The following GHR variants were observed in gnomAD, a reference collection of about 807,000 sequenced individuals.
The protein encoded by GHR is GH receptor.
Under a neutral mutation model 67.1 loss-of-function variants are expected in GHR, and 35 were observed. The ratio of observed to expected loss-of-function variants is 0.52; its 90% CI spans 0.40 to 0.69. The LOEUF (loss-of-function observed/expected upper bound fraction) is 0.69. Ranked by LOEUF, GHR falls within the 30% of genes least tolerant of loss-of-function variation. GHR has a pLI of 0.00. For missense variants in GHR, 792 were observed against 764.6 expected (o/e 1.04, Z -0.42); for synonymous variants, 272 against 269.1 (o/e 1.01, Z -0.10).
intron 1 of GHR, among the ~76,000 whole-genome samples, chr5:42,527,547 C>A (rs1328346437): frequency 6.6e-6 from 1 of 152,176 alleles, no homozygotes; most frequent in Non-Finnish European, 1.5e-5. Context: ...CACAAGAGCA[C>A]TGTATTCATA....
chr5:42,632,349 T>TA (rs1472633038), intron 3 of GHR, among the ~76,000 whole-genome samples: 1 of 152,142 alleles, frequency 6.6e-6, no homozygotes, highest in African/African-American at 2.4e-5. Flanking sequence ...AAGCAATCCC[T>TA]CCCTTCTCCA....
intron 1 of GHR, among the ~76,000 whole-genome samples, chr5:42,491,011 G>T (rs748299237): frequency 6.6e-6 from 1 of 152,162 alleles, no homozygotes; most frequent in Admixed American, 6.5e-5. Context: ...TCTAACATCC[G>T]CTGAGGATTA....
Position 42,719,174 on chromosome 5 carries a change from T to C in GHR, c.1667T>C (p.Ile556Thr). The change falls in exon 10 of 10, where the codon ATA (isoleucine) becomes ACA (threonine). Residue 556 changes from isoleucine (I) to threonine (T), a missense_variant. Physicochemically the swap from Ile to Thr is moderately conservative, Grantham distance 89. Transcript: ENST00000230882. ...CCTCACATCAAGGTTGAATCACACA[T>C]ACAGCCAAGCTTAAACCAAGAGGAC... ...VAPHIKVESHIQPSLNQEDIY... is the reference protein window; with the variant it reads ...VAPHIKVESHTQPSLNQEDIY... 16 of 1,614,104 alleles carry C rather than the reference T, an allele frequency of 9.9e-6. No individual in the cohort carries two copies. Among genetic ancestry groups the C allele is most frequent in the Non-Finnish European group, 1.3e-5 (15 of 1,180,004 alleles).
intron 1 of GHR, among the ~76,000 whole-genome samples, chr5:42,458,405 G>A (rs550769015): frequency 6.6e-6 from 1 of 152,098 alleles, no homozygotes; most frequent in Non-Finnish European, 1.5e-5. Context: ...AATAAATGGG[G>A]CTGGGAAGCT....
At chr5:42,474,329 G>GAAAGAAAAGAAAT (rs1745189251) in intron 1 of GHR, among the ~76,000 whole-genome samples, 2 of 146,414 alleles carry the variant, frequency 1.4e-5, no homozygotes, top group African/African-American at 5.3e-5. Flanking sequence ...AAGAAAGAAA[G>GAAAGAAAAGAAAT]AAAGAAAGAA....
intron 1 of GHR, among the ~76,000 whole-genome samples, chr5:42,510,083 C>G (rs765426565): frequency 9.2e-5 from 14 of 152,146 alleles, no homozygotes; most frequent in Non-Finnish European, 1.3e-4. Flanking sequence ...GTCAGTTATC[C>G]CCATTGCAGT....
At chr5:42,485,401 T>A (rs534384491) in intron 1 of GHR, among the ~76,000 whole-genome samples, 1 of 152,364 alleles carries the variant, frequency 6.6e-6, no homozygotes, top group Admixed American at 6.5e-5. Flanking sequence ...ATAGCCTTCA[T>A]CATAATATGT....
At chr5:42,434,674 T>C (rs1315592572) in intron 1 of GHR, among the ~76,000 whole-genome samples, 1 of 152,238 alleles carries the variant, frequency 6.6e-6, no homozygotes, top group East Asian at 1.9e-4. Flanking sequence ...GTTGTTTATC[T>C]CTGCCATTTT....
At chr5:42,695,930 G>A (rs1205268767) in intron 5 of GHR, among the ~76,000 whole-genome samples, 1 of 152,186 alleles carries the variant, frequency 6.6e-6, no homozygotes, top group Non-Finnish European at 1.5e-5. Context: ...ATAGGAGTAT[G>A]TGGCTAGAAC....
intron 5 of GHR, among the ~76,000 whole-genome samples, chr5:42,696,603 T>A (rs902542090): frequency 6.6e-6 from 1 of 152,150 alleles, no homozygotes; most frequent in African/African-American, 2.4e-5. Context: ...AGTCCCAACA[T>A]GTTCAGGGAC....
chr5:42,474,407 T>C (rs1745202107), intron 1 of GHR, among the ~76,000 whole-genome samples: 2 of 152,200 alleles, frequency 1.3e-5, no homozygotes, highest in South Asian at 4.2e-4. Flanking sequence ...CTCTTCTGAT[T>C]GTAGAAGTGC....
chr5:42,686,361 C>T (rs948038634), intron 3 of GHR, among the ~76,000 whole-genome samples: 9 of 124,526 alleles, frequency 7.2e-5, no homozygotes, highest in Admixed American at 4.1e-4. Context: ...AGTATGAAGT[C>T]AGAGACACAA....
intron 1 of GHR, chr5:42,465,752 C>T (rs899916505): frequency 2.9e-5 from 26 of 906,404 alleles, no homozygotes; most frequent in Middle Eastern, 6.5e-4. Flanking sequence ...ACGTTTGCCA[C>T]GAGAATCAAA....
In GHR at chr5:42,477,700, C is replaced by T. The variant is rs569206737; in HGVS notation, c.-12+53745C>T. On this transcript the variant is annotated intron_variant, in intron 1 of 9. Transcript: ENST00000230882. Reference sequence around the variant, plus strand: ...TGTCTTCTTTTGAGAAGTGTCTGTTCATATCCCTCACCCACTTTTTGATGG... The same window carrying T: ...TGTCTTCTTTTGAGAAGTGTCTGTTTATATCCCTCACCCACTTTTTGATGG... 6.6e-3 allele frequency among the ~76,000 whole-genome samples: 1,008 copies of T among 152,288 alleles called. 13 individuals carry two copies. Among genetic ancestry groups the T allele is most frequent in the African/African-American group, 0.023 (971 of 41,554 alleles).
chr5:42,566,322 C>CTT (rs1351440092), intron 2 of GHR, among the ~76,000 whole-genome samples: 1 of 152,164 alleles, frequency 6.6e-6, no homozygotes, highest in East Asian at 1.9e-4. Flanking sequence ...GATATCTAAT[C>CTT]TATTTCCAGA....
intron 1 of GHR, among the ~76,000 whole-genome samples, chr5:42,542,489 AT>A (rs1377165503): frequency 2.4e-4 from 36 of 152,178 alleles, no homozygotes; most frequent in Non-Finnish European, 4.0e-4. Flanking sequence ...GAGCAGAGAA[AT>A]GGGTCAGTAA....
At chr5:42,440,495 G>T in intron 1 of GHR, among the ~76,000 whole-genome samples, 1 of 152,176 alleles carries the variant, frequency 6.6e-6, no homozygotes, top group East Asian at 1.9e-4. Context: ...CATGATCCAA[G>T]AAGAAGCCAG....
At chr5:42,465,445 A>G in intron 1 of GHR, 1 of 1,578,274 alleles carries the variant, frequency 6.3e-7, no homozygotes, top group South Asian at 1.1e-5. Flanking sequence ...ACTCATCCAA[A>G]GTCATCTCTT....
intron 2 of GHR, among the ~76,000 whole-genome samples, chr5:42,591,195 G>T (rs1751755661): frequency 6.6e-6 from 1 of 152,192 alleles, no homozygotes; most frequent in Non-Finnish European, 1.5e-5. Context: ...CATTGTCAAG[G>T]GTTGTCTGTA....
Sources: allele counts gnomAD v4.1 joint callset (sites outside exome capture counted in the v4.1 genomes callset), GRCh38; gene constraint gnomAD v4.1.1; transcripts MANE v1.5; gene names NCBI Gene and HGNC (gene_info 2026-07-23, HGNC 2026-07-21).